RSPH9: variants seen among roughly 807,000 people sequenced by gnomAD.
RSPH9 encodes the protein radial spoke head protein 9 homolog.
RSPH9 carries 27 observed loss-of-function variants against 27.0 expected under a neutral mutation model. The observed-to-expected ratio is 1.00, with a 90% CI of 0.74 to 1.38. The LOEUF (loss-of-function observed/expected upper bound fraction) is 1.38. RSPH9 is among the 40% of genes most tolerant of loss of function. RSPH9 has a pLI of 0.00. For missense variants in RSPH9, 347 were observed against 357.4 expected, an observed-to-expected ratio of 0.97 and a Z score of 0.24; for synonymous variants, 145 against 147.7, an observed-to-expected ratio of 0.98 and a Z score of 0.13.
At chr6:43,646,292 C>T (rs906642779) in intron 1 of RSPH9, among the ~76,000 whole-genome samples, 41 of 152,014 alleles carry the variant, frequency 2.7e-4, no homozygotes, top group Middle Eastern at 6.8e-3. Context: ...CCACCATGCC[C>T]GGTTAATTTT....
At chr6:43,662,407 C>T (rs1180990653) in intron 4 of RSPH9, among the ~76,000 whole-genome samples, 3 of 151,498 alleles carry the variant, frequency 2.0e-5, no homozygotes, top group Non-Finnish European at 2.9e-5. Flanking sequence ...TGCTCTGTCG[C>T]CCAGGCTGGA....
At chr6:43,656,985 A>C (rs1232490541) in intron 4 of RSPH9, among the ~76,000 whole-genome samples, 2 of 152,212 alleles carry the variant, frequency 1.3e-5, no homozygotes, top group Admixed American at 6.5e-5. Context: ...TTTTTGTAGC[A>C]ATCTTGAATG....
Position 43,671,197 on chromosome 6 carries a change from G to A in RSPH9, c.*248G>A, listed in dbSNP as rs1360497584. ...GCTGTGGGAGAAGGTGACAACCAGG[G>A]CCCCTTTGAGGAACGCAGTTTCTTG... On this transcript the variant is annotated 3_prime_UTR_variant, in exon 5 of 5. Transcript: ENST00000372163. 6 of 588,760 alleles carry A rather than the reference G, an allele frequency of 1.0e-5. No homozygotes were observed. The highest frequency in any genetic ancestry group is 4.5e-4 in the Middle Eastern group (1 of 2,246). The allele number at this position is 588,760 out of a possible 1,614,324, so 36.5% of individuals were successfully genotyped here.
chr6:43,659,847 C>T (rs1772430730), intron 4 of RSPH9, among the ~76,000 whole-genome samples: 1 of 152,024 alleles, frequency 6.6e-6, no homozygotes, highest in African/African-American at 2.4e-5. Context: ...ATTCTCCTGC[C>T]TCAGCCTCCT....
At chr6:43,655,957 A>G (rs1328836419) in intron 3 of RSPH9, among the ~76,000 whole-genome samples, 1 of 150,830 alleles carries the variant, frequency 6.6e-6, no homozygotes, top group Non-Finnish European at 1.5e-5. Flanking sequence ...GGTCTGGGCT[A>G]CCTGCCTTTT....
intron 1 of RSPH9, among the ~76,000 whole-genome samples, chr6:43,648,256 C>G (rs1466201732): frequency 6.7e-6 from 1 of 148,818 alleles, no homozygotes; most frequent in Non-Finnish European, 1.5e-5. Flanking sequence ...GCAACAAGAG[C>G]GAAACTCTGT....
At chr6:43,645,438 G>C in intron 1 of RSPH9, 113 bp downstream of exon 1, 1 of 919,494 alleles carries the variant, frequency 1.1e-6, no homozygotes. Context: ...AGGGAGGTGT[G>C]GGCGGGATCT....
chr6:43,645,442 G>A (rs1449603829), intron 1 of RSPH9, 117 bp downstream of exon 1: 4 of 891,932 alleles, frequency 4.5e-6, no homozygotes, highest in African/African-American at 3.3e-5. Context: ...AGGTGTGGGC[G>A]GGATCTGAGA....
intron 1 of RSPH9, among the ~76,000 whole-genome samples, chr6:43,648,009 C>G (rs1488770791): frequency 6.6e-6 from 1 of 152,178 alleles, no homozygotes; most frequent in African/African-American, 2.4e-5. Flanking sequence ...GTGGCTCATG[C>G]CTGTAATCCC....
intron 2 of RSPH9, among the ~76,000 whole-genome samples, chr6:43,653,823 A>G (rs1476551746): frequency 1.3e-5 from 2 of 151,984 alleles, no homozygotes; most frequent in Non-Finnish European, 2.9e-5. Flanking sequence ...CTCCTGAGTA[A>G]CTGGGATTAC....
At chr6:43,668,172 A>C (rs901404131) in intron 4 of RSPH9, among the ~76,000 whole-genome samples, 7 of 152,176 alleles carry the variant, frequency 4.6e-5, no homozygotes, top group African/African-American at 1.7e-4. Flanking sequence ...CTTTTCCCCG[A>C]GTCCTGGAGG....
rs1459745855 is a variant in RSPH9, at chr6:43,672,171, C to T, written c.*1222C>T. 1.8e-6 allele frequency: 1 copy of T among 550,920 alleles called. No individual in the cohort carries two copies. Among genetic ancestry groups the T allele is most frequent in the African/African-American group, 1.9e-5 (1 of 52,618 alleles). The allele number at this position is 550,920 out of a possible 1,614,324, so 34.1% of individuals were successfully genotyped here. A position where few individuals can be genotyped will look rare whatever the true frequency, so the allele number is the denominator to read the frequency against. ...AAGCTCCCTTGATCTTTGTAAATGTCAATGTTGGTGTGTGTTTGCTGAGGA... is the reference window on the plus strand; with the variant it reads ...AAGCTCCCTTGATCTTTGTAAATGTTAATGTTGGTGTGTGTTTGCTGAGGA... On this transcript the variant is annotated 3_prime_UTR_variant, in exon 5 of 5. Coordinates refer to ENST00000372163, the MANE Select transcript of RSPH9 (RefSeq NM_152732.5).
At chr6:43,652,431 T>C (rs1433918542) in intron 2 of RSPH9, among the ~76,000 whole-genome samples, 1 of 147,646 alleles carries the variant, frequency 6.8e-6, no homozygotes, top group Non-Finnish European at 1.5e-5. Flanking sequence ...TTCCCATTCT[T>C]TTTTTTTTTT....
rs1773675567 is a variant in RSPH9 at position 43,671,148 on chromosome 6, TC to T, written c.*200del. On this transcript the variant is annotated 3_prime_UTR_variant, in exon 5 of 5. Transcript: ENST00000372163. ...GTTGGAATGTGCTAATGAAAGAGAT[TC>T]TAGACAACGATGGGTGGAAATGGCT... 1.6e-6 allele frequency: 1 copy of T among 642,518 alleles called. No homozygotes were observed. The highest frequency in any genetic ancestry group is 2.7e-6 in the Non-Finnish European group (1 of 372,094). 39.8% of individuals were successfully genotyped at this position (642,518 alleles called of 1,614,324 possible).
chr6:43,654,660 T>C (rs1771824597), intron 2 of RSPH9, among the ~76,000 whole-genome samples: 1 of 152,016 alleles, frequency 6.6e-6, no homozygotes, highest in Non-Finnish European at 1.5e-5. Flanking sequence ...CTGTCTCTAC[T>C]AAAAATACAA....
chr6:43,668,536 C>A (rs1221224610), intron 4 of RSPH9, among the ~76,000 whole-genome samples: 2 of 152,308 alleles, frequency 1.3e-5, no homozygotes, highest in Non-Finnish European at 2.9e-5. Context: ...TGCTGATAGG[C>A]CTAGGCCACT....
intron 4 of RSPH9, among the ~76,000 whole-genome samples, chr6:43,662,269 T>C (rs530915464): frequency 3.1e-4 from 47 of 152,314 alleles, no homozygotes; most frequent in African/African-American, 1.1e-3. Context: ...AAGGCCTTGC[T>C]CTGTATTAGG....
At chr6:43,662,028 C>T (rs769966021) in intron 4 of RSPH9, among the ~76,000 whole-genome samples, 1 of 152,178 alleles carries the variant, frequency 6.6e-6, no homozygotes, top group African/African-American at 2.4e-5. Flanking sequence ...GTTGGGACTA[C>T]AGGTGTGTGC....
At chr6:43,646,367 C>T (rs1469723221) in intron 1 of RSPH9, among the ~76,000 whole-genome samples, 1 of 151,842 alleles carries the variant, frequency 6.6e-6, no homozygotes. Flanking sequence ...ATCTCCTGAC[C>T]TCGTGATCCG....
Sources: allele counts gnomAD v4.1 joint callset (sites outside exome capture counted in the v4.1 genomes callset), GRCh38; gene constraint gnomAD v4.1.1; transcripts MANE v1.5; gene names NCBI Gene and HGNC (gene_info 2026-07-23, HGNC 2026-07-21).